EPG5: variants seen among roughly 807,000 people sequenced by gnomAD.
EPG5 encodes ectopic P granules protein 5 homolog.
Under a neutral mutation model 302.7 loss-of-function variants are expected in EPG5, and 159 were observed. The observed-to-expected ratio is 0.53, with a 90% CI of 0.46 to 0.60. EPG5 has a LOEUF of 0.60. Ranked by LOEUF, EPG5 falls within the 20% of genes least tolerant of loss-of-function variation. EPG5 has a pLI of 0.00. For missense variants in EPG5, 2,896 were observed against 3,092.4 expected, an observed-to-expected ratio of 0.94 and a Z score of 1.51; for synonymous variants, 1,158 against 1,136.8, an observed-to-expected ratio of 1.02 and a Z score of -0.37.
chr18:45,815,473 G>A, the EPG5 span, among the ~76,000 whole-genome samples: 1 of 150,660 alleles, frequency 6.6e-6, no homozygotes, highest in Non-Finnish European at 1.5e-5. Flanking sequence ...ACACAAATTA[G>A]TAGCTCTTCT....
Position 45,870,568 on chromosome 18 carries a change from T to C in EPG5, c.6224A>G (p.Lys2075Arg). The C allele has an allele frequency of 6.2e-7, 1 of 1,612,068 alleles. No individual in the cohort carries two copies. Among genetic ancestry groups the C allele is most frequent in the Non-Finnish European group, 8.5e-7 (1 of 1,178,442 alleles). ...PDQMLMEAFF[K>R]VERGSPKSCF... ...CGATGCCGGGAATGAAGGGCTTACT[T>C]TGAAGAAGGCCTCCATGAGCATCTG... The change falls in exon 36 of 44, where the codon AAA becomes AGA. Residue 2075 changes from lysine to arginine, a missense_variant and splice_region_variant. Lys to Arg is a conservative substitution (Grantham distance 26). Coordinates refer to ENST00000282041, the MANE Select transcript of EPG5 (RefSeq NM_020964.3).
intron 7 of EPG5, among the ~76,000 whole-genome samples, chr18:45,944,877 G>A (rs1235654594): frequency 6.6e-6 from 1 of 152,128 alleles, no homozygotes; most frequent in Non-Finnish European, 1.5e-5. Flanking sequence ...TTTGCTATAG[G>A]TGACTAAAGT....
Position 45,913,733 on chromosome 18 carries a change from A to G in EPG5, c.3789T>C (p.Ser1263=). 1 of 1,614,150 alleles carries G rather than the reference A, an allele frequency of 6.2e-7. No individual in the cohort carries two copies. Among genetic ancestry groups the G allele is most frequent in the Non-Finnish European group, 8.5e-7 (1 of 1,179,988 alleles). ...TCAGAGCTTGGTCAGGGGTGAAAGCAGAGTTTATCACCAATTCCCCTTCAA... is the reference window on the plus strand; with the variant it reads ...TCAGAGCTTGGTCAGGGGTGAAAGCGGAGTTTATCACCAATTCCCCTTCAA... ...RVIEGELVIN[S]AFTPDQALKK... The change falls in exon 21 of 44, where the codon TCT becomes TCC. Residue 1263 remains serine (S), a synonymous_variant. Transcript: ENST00000282041.
chr18:45,845,267 G>A (rs780174847), downstream of EPG5, among the ~76,000 whole-genome samples: 1 of 152,244 alleles, frequency 6.6e-6, no homozygotes, highest in Non-Finnish European at 1.5e-5. Context: ...ATTCCTCAGA[G>A]AGACATGCCT....
the EPG5 span, among the ~76,000 whole-genome samples, chr18:45,830,752 A>T: frequency 3.4e-5 from 4 of 118,124 alleles, no homozygotes; most frequent in African/African-American, 6.8e-5. Context: ...TGCCAGGCTA[A>T]TTTTTTTTTT....
chr18:45,954,493 T>C lies in EPG5; in HGVS notation c.909A>G (p.Gln303=), dbSNP rs2050980655. The C allele has an allele frequency of 1.2e-6, 2 of 1,614,228 alleles. No homozygotes were observed. The highest frequency in any genetic ancestry group is 1.7e-6 in the Non-Finnish European group (2 of 1,180,028). ...GCAGCTCAGCTTCAGCCAGCAGCAG[T>C]TGCTTCCTACATCGTGAGTAGTTCA... ...LLLNYSRCRK[Q]LLLAEAELLT... Residue 303 remains glutamine (Q), a synonymous_variant, in exon 2 of 44, where the codon CAA becomes CAG. Coordinates refer to ENST00000282041, the MANE Select transcript of EPG5 (RefSeq NM_020964.3).
chr18:45,936,757 T>A (rs1599609772), intron 10 of EPG5, among the ~76,000 whole-genome samples: 2 of 136,180 alleles, frequency 1.5e-5, no homozygotes, highest in Non-Finnish European at 1.6e-5. Context: ...TGCAAAGGAA[T>A]GTACAGCAAC....
chr18:45,838,471 T>C, the EPG5 span: 2 of 557,564 alleles, frequency 3.6e-6, no homozygotes, highest in Middle Eastern at 4.8e-4. Context: ...CAAGCATGAA[T>C]TTGCCAAATC....
intron 14 of EPG5, among the ~76,000 whole-genome samples, chr18:45,925,522 G>C (rs903788677): frequency 6.6e-5 from 10 of 152,028 alleles, no homozygotes; most frequent in Non-Finnish European, 2.9e-5. Context: ...TAAGGAAAAA[G>C]GGAAGAATTT....
At chr18:45,838,798 C>A in the EPG5 span, 2 of 1,558,624 alleles carry the variant, frequency 1.3e-6, no homozygotes, top group Non-Finnish European at 1.7e-6. Flanking sequence ...CGAAGGGGAG[C>A]CGCCGCCCGC....
At position 45,899,465 on chromosome 18, in the gene EPG5, T is replaced by C. The variant is rs772625462; in HGVS notation, c.4748A>G (p.His1583Arg). The C allele has an allele frequency of 1.2e-6, 2 of 1,614,090 alleles. No homozygotes were observed. Residue 1583 changes from histidine (H) to arginine (R), a missense_variant, in exon 27 of 44, where the codon CAT becomes CGT. His to Arg is a conservative substitution (Grantham distance 29). Transcript: ENST00000282041. ...YVNREEQTTL[H>R]LECRGSSGKK... ...ACCGCTGCTGCCTCTGCACTCCAAA[T>C]GTAGTGTGGTCTGTTCTTCACGATT...
chr18:45,838,623 T>G, the EPG5 span: 3 of 1,416,234 alleles, frequency 2.1e-6, no homozygotes, highest in Non-Finnish European at 2.8e-6. Context: ...TGCCCATTCC[T>G]CCCTTCTGAC....
chr18:45,924,610 G>A (rs1396444327), intron 14 of EPG5, among the ~76,000 whole-genome samples: 1 of 152,202 alleles, frequency 6.6e-6, no homozygotes, highest in Admixed American at 6.5e-5. Flanking sequence ...TGGTAAAGAG[G>A]CAGAGAAGGT....
At position 45,938,232 on chromosome 18, in the gene EPG5, G is replaced by A. The variant is rs536094766; in HGVS notation, c.2099+1368C>T. Among the ~76,000 whole-genome samples, 160 of 152,234 alleles carry A rather than the reference G, an allele frequency of 1.1e-3. 3 individuals are homozygous for A. In the South Asian group the frequency reaches 0.03, roughly 29 times the overall value. ...TCACAGCACTTTAGGAGGCTGAGCC[G>A]GGCAGATCACTTGAGGTCAGGAGTT... is the stretch of plus-strand genomic sequence containing the variant. On this transcript the variant is annotated intron_variant, in intron 10 of 43. Transcript: ENST00000282041.
At chr18:45,801,316 G>T in the EPG5 span, among the ~76,000 whole-genome samples, 1 of 152,180 alleles carries the variant, frequency 6.6e-6, no homozygotes, top group Admixed American at 6.5e-5. Flanking sequence ...GATTACAGGC[G>T]TGAGCCACCA....
At chr18:45,870,772 G>T in intron 35 of EPG5, 30 bp from the exon 36 acceptor site, 6 of 1,311,452 alleles carry the variant, frequency 4.6e-6, no homozygotes, top group Non-Finnish European at 5.2e-6. Flanking sequence ...TAGAGCTGAA[G>T]ACCTTTGGTT....
intron 19 of EPG5, 135 bp downstream of exon 19, chr18:45,915,874 G>A: frequency 1.2e-6 from 1 of 858,472 alleles, no homozygotes; most frequent in East Asian, 2.6e-5. Context: ...ATCGGGATAA[G>A]GTACCATTAA....
intron 18 of EPG5, 61 bp downstream of exon 18, chr18:45,916,377 G>A (rs1027918728): frequency 8.8e-6 from 14 of 1,584,724 alleles, no homozygotes; most frequent in African/African-American, 1.3e-5. Context: ...GTGTGCTAAC[G>A]CTAGAGGTCT....
rs1568173261 is a variant in EPG5, at chr18:45,939,603, T to C, written c.2096A>G (p.Lys699Arg). Residue 699 changes from lysine (K) to arginine (R), a missense_variant, in exon 10 of 44, where the codon AAA (lysine) becomes AGA (arginine). Around this residue, in one of 5 missense-constraint regions of EPG5, gnomAD observed 1,390 missense variants for 1,430.0 expected, o/e 0.97. Transcript: ENST00000282041. Reference sequence around the variant, plus strand: ...TATCATCATATGTCTTACTTACCTTTTGGCCTTCAGCACATGTAGGACAGC... The same window carrying C: ...TATCATCATATGTCTTACTTACCTTCTGGCCTTCAGCACATGTAGGACAGC... ...LRAVLHVLKA[K>R]RLGIWLFMSE... The C allele has an allele frequency of 6.2e-7, 1 of 1,614,042 alleles. No homozygotes were observed. Among genetic ancestry groups the C allele is most frequent in the Non-Finnish European group, 8.5e-7 (1 of 1,179,968 alleles).
Sources: allele counts gnomAD v4.1 joint callset (sites outside exome capture counted in the v4.1 genomes callset), GRCh38; gene constraint gnomAD v4.1.1; regional missense constraint gnomAD v4.1.1; transcripts MANE v1.5; gene names NCBI Gene and HGNC (gene_info 2026-07-23, HGNC 2026-07-21).